ADAM22: variants seen among roughly 807,000 people sequenced by gnomAD.
ADAM22 encodes the protein disintegrin and metalloproteinase domain-containing protein 22.
In ADAM22, 65 loss-of-function variants were observed where a neutral mutation model predicts 144.6. The ratio of observed to expected loss-of-function variants is 0.45; its 90% CI spans 0.37 to 0.55. ADAM22 has a LOEUF of 0.55. Ranked by LOEUF, ADAM22 falls within the 20% of genes least tolerant of loss-of-function variation. The pLI is 0.00. For synonymous variants in ADAM22, 391 were observed against 412.6 expected, an observed-to-expected ratio of 0.95 and a Z score of 0.63; for missense variants, 974 against 1,184.9, an observed-to-expected ratio of 0.82 and a Z score of 2.61.
At chr7:87,934,890 G>T (rs754879916) in intron 1 of ADAM22, 136 bp from the exon 2 acceptor site, 11 of 1,248,532 alleles carry the variant, frequency 8.8e-6, no homozygotes, top group Non-Finnish European at 1.2e-6. Context: ...GTCCTTCCCA[G>T]TTGGGTTCCG....
chr7:87,982,898 T>G (rs1854035083), intron 3 of ADAM22, among the ~76,000 whole-genome samples: 2 of 150,380 alleles, frequency 1.3e-5, no homozygotes, highest in African/African-American at 4.9e-5. Context: ...TCCATGTTGG[T>G]CAGGCTGGTC....
chr7:88,161,678 A>G (rs1841683181), intron 22 of ADAM22, among the ~76,000 whole-genome samples: 1 of 152,148 alleles, frequency 6.6e-6, no homozygotes, highest in Admixed American at 6.6e-5. Context: ...TCAAAAGAAG[A>G]CATCCATTTG....
At chr7:88,148,712 A>G (rs938545790) in intron 17 of ADAM22, among the ~76,000 whole-genome samples, 2 of 152,158 alleles carry the variant, frequency 1.3e-5, no homozygotes, top group African/African-American at 4.8e-5. Context: ...TAGAACCTGG[A>G]CTAACTGGCC....
In ADAM22 at chr7:88,128,730, G is replaced by A. The variant is rs1831042146; in HGVS notation, c.753+54G>A. 5 of 1,407,514 alleles carry A rather than the reference G, an allele frequency of 3.6e-6. No homozygotes were observed. In the African/African-American group the frequency reaches 4.3e-5, roughly 12 times the overall value. 87.2% of individuals were successfully genotyped at this position (1,407,514 alleles called of 1,614,324 possible). A position where few individuals can be genotyped will look rare whatever the true frequency, so the allele number is the denominator to read the frequency against. ...TTTGTGCCTAGGGTAAAACTGGTGA[G>A]TGCAAAAATATGTTTAGAAAAAACA... On this transcript the variant is annotated intron_variant, in intron 9 of 31. Transcript: ENST00000413139.
chr7:87,960,943 TA>T (rs999251641), intron 2 of ADAM22, among the ~76,000 whole-genome samples: 1 of 151,988 alleles, frequency 6.6e-6, no homozygotes, highest in Non-Finnish European at 1.5e-5. Context: ...CAGTGAATAA[TA>T]AAAAAAATTC....
In ADAM22 at chr7:88,081,150, G is replaced by C. The variant is rs543595820; in HGVS notation, c.390+5458G>C. On this transcript the variant is annotated intron_variant, in intron 4 of 31. Transcript: ENST00000413139. ...CAAAAAACTTATCCACCGTGATCAA[G>C]TGGGCTTCATCCCTGGGATGCAAGG... 2.9e-3 allele frequency among the ~76,000 whole-genome samples: 446 copies of C among 152,290 alleles called. 3 individuals carry two copies. Among genetic ancestry groups the C allele is most frequent in the African/African-American group, 0.01 (422 of 41,552 alleles).
At chr7:88,147,984 G>T (rs897365508) in intron 17 of ADAM22, among the ~76,000 whole-genome samples, 1 of 152,062 alleles carries the variant, frequency 6.6e-6, no homozygotes, top group Non-Finnish European at 1.5e-5. Context: ...TGCTTGGCAC[G>T]TTATTAAATA....
intron 30 of ADAM22, among the ~76,000 whole-genome samples, chr7:88,189,311 A>T (rs1468420901): frequency 1.3e-5 from 2 of 152,140 alleles, no homozygotes; most frequent in Non-Finnish European, 2.9e-5. Flanking sequence ...TATCCCATTG[A>T]TTACTCACTT....
chr7:88,101,055 A>G (rs940135841), intron 4 of ADAM22, among the ~76,000 whole-genome samples: 1 of 151,448 alleles, frequency 6.6e-6, no homozygotes. Flanking sequence ...GCAAGGTGGT[A>G]TCAGCTAGAG....
At chr7:88,023,011 T>C (rs560363908) in intron 3 of ADAM22, among the ~76,000 whole-genome samples, 51 of 152,344 alleles carry the variant, frequency 3.3e-4, no homozygotes, top group African/African-American at 1.0e-3. Flanking sequence ...CTTTTACTTA[T>C]TTCACTTTTC....
intron 4 of ADAM22, among the ~76,000 whole-genome samples, chr7:88,078,777 C>T (rs1815504470): frequency 6.6e-6 from 1 of 151,952 alleles, no homozygotes; most frequent in Non-Finnish European, 1.5e-5. Flanking sequence ...TGAAATGAAG[C>T]GTGAAGAGAA....
At chr7:88,004,937 G>A (rs2129457803) in intron 3 of ADAM22, among the ~76,000 whole-genome samples, 1 of 152,244 alleles carries the variant, frequency 6.6e-6, no homozygotes, top group South Asian at 2.1e-4. Context: ...CTAATTGTCA[G>A]TGTAGTTTGA....
intron 5 of ADAM22, among the ~76,000 whole-genome samples, chr7:88,112,553 G>A (rs1563242054): frequency 6.6e-6 from 1 of 152,036 alleles, no homozygotes; most frequent in Non-Finnish European, 1.5e-5. Flanking sequence ...CATCATAAAG[G>A]GCCTGATCTC....
intron 3 of ADAM22, among the ~76,000 whole-genome samples, chr7:88,020,162 C>T (rs571136938): frequency 5.9e-5 from 9 of 152,106 alleles, no homozygotes; most frequent in Admixed American, 2.0e-4. Flanking sequence ...GGTGTTAATG[C>T]GCAGGCATTG....
At chr7:87,998,883 T>G (rs1791872792) in intron 3 of ADAM22, among the ~76,000 whole-genome samples, 2 of 152,216 alleles carry the variant, frequency 1.3e-5, no homozygotes. Context: ...GAACATCATT[T>G]GGTACAGAAA....
rs937245288 is a variant in ADAM22 at position 88,011,585 on chromosome 7, A to T, written c.323+33173A>T. Among the ~76,000 whole-genome samples the T allele has an allele frequency of 3.3e-5, 5 of 151,698 alleles. No individual in the cohort carries two copies. In the South Asian group the frequency reaches 1.0e-3, roughly 32 times the overall value. On this transcript the variant is annotated intron_variant, in intron 3 of 31. Coordinates refer to ENST00000413139, the MANE Select transcript of ADAM22 (RefSeq NM_001324418.2). ...AACACTGCGTTTTTGTTCTTCCTGC[A>T]TTTTTGTTCTTCCTAAGTCAACTTG...
At chr7:88,019,621 G>T (rs1473004008) in intron 3 of ADAM22, among the ~76,000 whole-genome samples, 1 of 152,130 alleles carries the variant, frequency 6.6e-6, no homozygotes, top group Non-Finnish European at 1.5e-5. Context: ...GCCAAGGCAG[G>T]TGGATCACCT....
intron 3 of ADAM22, among the ~76,000 whole-genome samples, chr7:88,060,610 A>G (rs1809526383): frequency 1.3e-5 from 2 of 151,532 alleles, no homozygotes; most frequent in African/African-American, 4.9e-5. Flanking sequence ...TACTAAAAAT[A>G]AAAAAATTAG....
intron 26 of ADAM22, among the ~76,000 whole-genome samples, chr7:88,172,463 C>G (rs145490599): frequency 1.3e-4 from 19 of 151,900 alleles, no homozygotes; most frequent in African/African-American, 4.1e-4. Flanking sequence ...TTTACTTAAC[C>G]TTTTCCATTG....
Sources: gnomAD v4.1 joint callset for allele counts (sites outside exome capture counted in the v4.1 genomes callset) on GRCh38, gnomAD v4.1.1 for gene constraint, MANE v1.5 for transcripts, NCBI Gene and HGNC (gene_info 2026-07-23, HGNC 2026-07-21) for gene names.